CA5A: variants seen among roughly 807,000 people sequenced by gnomAD.
CA5A encodes the protein carbonic anhydrase 5A, mitochondrial.
In CA5A, 28 loss-of-function variants were observed where a neutral mutation model predicts 37.1. That is an observed-to-expected ratio of 0.75 (90% CI 0.56 to 1.03). The LOEUF (loss-of-function observed/expected upper bound fraction) is 1.03. Ranked by LOEUF, CA5A falls within the 50% of genes least tolerant of loss-of-function variation. CA5A has a pLI of 0.00. For synonymous variants in CA5A, 171 were observed against 158.4 expected (o/e 1.08, Z -0.60); for missense variants, 444 against 399.9 (o/e 1.11, Z -0.94).
chr16:87,888,919 ATT>A (rs56196809), intron 6 of CA5A, among the ~76,000 whole-genome samples: 15 of 136,080 alleles, frequency 1.1e-4, no homozygotes, highest in Admixed American at 1.5e-4. Flanking sequence ...CGCCCGGCTA[ATT>A]TTTTTTTTTT....
intron 2 of CA5A, 62 bp downstream of exon 2, chr16:87,926,686 C>G (rs756451019): frequency 6.6e-6 from 9 of 1,362,780 alleles, no homozygotes; most frequent in African/African-American, 1.4e-5. Flanking sequence ...CCGCGAAGCT[C>G]TTGACCCTGC....
chr16:87,893,564 G>C, intron 5 of CA5A: 2 of 641,418 alleles, frequency 3.1e-6, no homozygotes, highest in South Asian at 1.4e-5. Flanking sequence ...CGGCCTAAAG[G>C]TCTGGAGGGT....
At chr16:87,904,394 T>C (rs1462817638) in intron 3 of CA5A, among the ~76,000 whole-genome samples, 1 of 151,334 alleles carries the variant, frequency 6.6e-6, no homozygotes, top group African/African-American at 2.4e-5. Flanking sequence ...CAAAAGAAGA[T>C]GATCTCTATT....
intron 6 of CA5A, among the ~76,000 whole-genome samples, chr16:87,888,663 A>G (rs2055671894): frequency 6.6e-6 from 1 of 152,194 alleles, no homozygotes; most frequent in Non-Finnish European, 1.5e-5. Flanking sequence ...GTCCCAGCTG[A>G]CACTGGGCTA....
rs11314702 is a variant in CA5A at position 87,911,099 on chromosome 16, CAAAAAA to C, written c.341-6201_341-6196del. Among the ~76,000 whole-genome samples, 80 of 96,514 alleles carry C rather than the reference CAAAAAA, an allele frequency of 8.3e-4. No individual in the cohort carries two copies. Among genetic ancestry groups the C allele is most frequent in the African/African-American group, 1.1e-3 (32 of 29,756 alleles). The allele number at this position is 96,514 out of a possible 152,430, so 63.3% of individuals were successfully genotyped here. A position where few individuals can be genotyped will look rare whatever the true frequency, so the allele number is the denominator to read the frequency against. On this transcript the variant is annotated intron_variant, in intron 2 of 6. Transcript: ENST00000649794. This position sits in a 1 kb window ranked among gnomAD's most constrained non-coding sequence, Gnocchi z 4.6. ...ACAATGTCAGGGTATTCTCCTTAAT[CAAAAAA>C]AAAAAAAAAAAAAAAGGCAAGCCCA...
intron 5 of CA5A, among the ~76,000 whole-genome samples, chr16:87,898,051 C>G (rs753466733): frequency 6.6e-6 from 1 of 152,122 alleles, no homozygotes; most frequent in Non-Finnish European, 1.5e-5. Flanking sequence ...GGAAATGCAC[C>G]CTTGGAGCCC....
intron 3 of CA5A, among the ~76,000 whole-genome samples, chr16:87,904,494 A>T (rs2055928414): frequency 6.6e-6 from 1 of 152,228 alleles, no homozygotes; most frequent in South Asian, 2.1e-4. Flanking sequence ...TGCGGCAAAG[A>T]GCTCAAGCTC....
intron 6 of CA5A, among the ~76,000 whole-genome samples, chr16:87,888,877 T>G (rs777864388): frequency 6.6e-5 from 10 of 151,542 alleles, no homozygotes; most frequent in Non-Finnish European, 1.5e-4. Flanking sequence ...CTCGGCCTCC[T>G]GAGTAGTTGG....
At position 87,926,774 on chromosome 16, in the gene CA5A, T is replaced by C; in HGVS notation, c.314A>G (p.Glu105Gly). The change falls in exon 2 of 7, where the codon GAA becomes GGA. Residue 105 changes from glutamate to glycine, a missense_variant. Coordinates refer to ENST00000649794, the MANE Select transcript of CA5A (RefSeq NM_001739.2). ...TGATGCCTCGGTGGCATCGTCAAAT[T>C]CCACCTGGAAGAGGTAGCCAGTGTT... The part of the protein sequence containing the change: ...IWNTGYLFQV[E>G]FDDATEASGI... The C allele has an allele frequency of 6.2e-7, 1 of 1,613,900 alleles. No individual in the cohort carries two copies. Among genetic ancestry groups the C allele is most frequent in the Non-Finnish European group, 8.5e-7 (1 of 1,179,842 alleles).
intron 2 of CA5A, among the ~76,000 whole-genome samples, chr16:87,906,675 A>G (rs919026885): frequency 6.6e-6 from 1 of 152,080 alleles, no homozygotes; most frequent in Non-Finnish European, 1.5e-5. Context: ...AAACTGGAAA[A>G]TGGAAAATGG....
chr16:87,896,198 G>C (rs905342537), intron 5 of CA5A, among the ~76,000 whole-genome samples: 1 of 152,246 alleles, frequency 6.6e-6, no homozygotes, highest in African/African-American at 2.4e-5. Flanking sequence ...GGCCACTGAG[G>C]CCTGGCCCGT....
intron 1 of CA5A, among the ~76,000 whole-genome samples, chr16:87,933,402 G>T (rs1214352826): frequency 6.6e-6 from 1 of 152,120 alleles, no homozygotes; most frequent in Admixed American, 6.6e-5. Context: ...TCTTAGACAG[G>T]GTCCTGCTGT....
At chr16:87,884,807 A>C (rs935079513), downstream of CA5A, 1 of 152,128 alleles carries the variant, frequency 6.6e-6, no homozygotes, top group Non-Finnish European at 1.5e-5. Flanking sequence ...AAGAAACCCA[A>C]ACTGGCTTAC....
At chr16:87,890,995 T>C (rs540387327) in intron 6 of CA5A, among the ~76,000 whole-genome samples, 1 of 152,042 alleles carries the variant, frequency 6.6e-6, no homozygotes, top group East Asian at 1.9e-4. Flanking sequence ...GGTTTCACCA[T>C]GTTGGTCAGG....
At position 87,927,123 on chromosome 16, in the gene CA5A, G is replaced by A. The variant is rs569880556; in HGVS notation, c.143-178C>T. Among the ~76,000 whole-genome samples, 56 of 152,342 alleles carry A rather than the reference G, an allele frequency of 3.7e-4. 1 individual carries two copies. The highest frequency in any genetic ancestry group is 1.3e-3 in the African/African-American group (53 of 41,588). On this transcript the variant is annotated intron_variant, in intron 1 of 6. Coordinates refer to ENST00000649794, the MANE Select transcript of CA5A (RefSeq NM_001739.2). ...AGCGACGCACGCCCACAGGGTACTC[G>A]CCTGCTCCTCTCCTTTCTGCACCAC...
At position 87,913,982 on chromosome 16, in the gene CA5A, T is replaced by G. The variant is rs147966199; in HGVS notation, c.341-9078A>C. On this transcript the variant is annotated intron_variant, in intron 2 of 6. Coordinates refer to ENST00000649794, the MANE Select transcript of CA5A (RefSeq NM_001739.2). ...GTGGGGAGCGGCGGCAGCGCGTTCA[T>G]CCACTGTGCTTGACGTCGCTTATTT... Among the ~76,000 whole-genome samples, 469 of 152,328 alleles carry G rather than the reference T, an allele frequency of 3.1e-3. 2 individuals are homozygous for G. Among genetic ancestry groups the G allele is most frequent in the African/African-American group, 0.011 (448 of 41,572 alleles).
In CA5A at chr16:87,911,099, C is replaced by CAAAA. The variant is rs11314702; in HGVS notation, c.341-6199_341-6196dup. Among the ~76,000 whole-genome samples, 3 of 96,554 alleles carry CAAAA rather than the reference C, an allele frequency of 3.1e-5. No individual in the cohort carries two copies. The highest frequency in any genetic ancestry group is 4.6e-5 in the Non-Finnish European group (2 of 43,328). 63.3% of individuals were successfully genotyped at this position (96,554 alleles called of 152,430 possible). A position where few individuals can be genotyped will look rare whatever the true frequency, so the allele number is the denominator to read the frequency against. On this transcript the variant is annotated intron_variant, in intron 2 of 6. Coordinates refer to ENST00000649794, the MANE Select transcript of CA5A (RefSeq NM_001739.2). The surrounding 1 kb of genome is among the most constrained non-coding windows in gnomAD (Gnocchi z 4.6). ...ACAATGTCAGGGTATTCTCCTTAAT[C>CAAAA]AAAAAAAAAAAAAAAAAAAAAGGCA...
chr16:87,893,639 C>T (rs750298129), intron 5 of CA5A: 11 of 645,566 alleles, frequency 1.7e-5, no homozygotes, highest in Non-Finnish European at 3.0e-5. Context: ...AGTGCTGTGC[C>T]CCTGGTGCCG....
Position 87,901,950 on chromosome 16 carries a change from G to A in CA5A, c.580C>T (p.Gln194Ter), listed in dbSNP as rs2055884613. ...LKLGAHHQTL[Q>*]RLVDILPEIK... ...TCCGGCAAGATGTCCACCAGCCTCT[G>A]CAGCGTCTGATGATGGGCCCCGAGC... Residue 194 changes from glutamine to a stop codon, truncating the protein, a stop_gained, in exon 5 of 7, where the codon CAG (glutamine) becomes TAG (stop). Transcript: ENST00000649794. LOFTEE classifies it high-confidence loss of function. 6.2e-7 allele frequency: 1 copy of A among 1,613,710 alleles called. No individual in the cohort carries two copies. Among genetic ancestry groups the A allele is most frequent in the South Asian group, 1.1e-5 (1 of 91,070 alleles).
Sources: gnomAD v4.1 joint callset for allele counts (sites outside exome capture counted in the v4.1 genomes callset) on GRCh38, gnomAD v4.1.1 for gene constraint, Gnocchi (gnomAD v3.1) non-coding constraint, MANE v1.5 for transcripts, NCBI Gene and HGNC (gene_info 2026-07-23, HGNC 2026-07-21) for gene names.